Variants in NPR3 observed in about 807,000 individuals in gnomAD.
NPR3 encodes the protein atrial natriuretic peptide receptor 3.
A neutral mutation model predicts 54.5 loss-of-function variants in NPR3; 34 were observed. That is an observed-to-expected ratio of 0.62 (90% CI 0.47 to 0.83). The LOEUF (loss-of-function observed/expected upper bound fraction) is 0.83, where lower values mean the gene tolerates loss of function less well. NPR3 is among the 40% of genes least tolerant of loss of function. The probability of loss-of-function intolerance (pLI) is 0.00; values close to 1 mark genes in which losing one functional copy is unlikely to be tolerated. For missense variants in NPR3, 674 were observed against 720.8 expected (o/e 0.94, Z 0.74); for synonymous variants, 289 against 297.1 (o/e 0.97, Z 0.28).
intron 3 of NPR3, among the ~76,000 whole-genome samples, chr5:32,773,515 G>A (rs988036614): frequency 5.9e-5 from 9 of 151,984 alleles, no homozygotes; most frequent in Admixed American, 4.6e-4. Context: ...GCTCCCAGCC[G>A]AGCAAAACAT....
intron 3 of NPR3, among the ~76,000 whole-genome samples, chr5:32,742,047 G>C (rs185310744): frequency 6.6e-6 from 1 of 151,700 alleles, no homozygotes; most frequent in Admixed American, 6.6e-5. Flanking sequence ...AGTGTGGTGC[G>C]GGAGCCTGTA....
upstream of NPR3, among the ~76,000 whole-genome samples, chr5:32,709,045 C>T (rs1738076356): frequency 6.6e-6 from 1 of 151,896 alleles, no homozygotes; most frequent in Non-Finnish European, 1.5e-5. Flanking sequence ...GGAGAGGCTA[C>T]GGGCACTCAC....
intron 2 of NPR3, among the ~76,000 whole-genome samples, chr5:32,732,692 T>C (rs1009164323): frequency 2.6e-5 from 4 of 152,198 alleles, no homozygotes; most frequent in African/African-American, 9.7e-5. Context: ...TAAAGGGCCT[T>C]GTTTGAAACT....
intron 2 of NPR3, among the ~76,000 whole-genome samples, chr5:32,727,120 A>C (rs867092706): frequency 6.6e-6 from 1 of 152,144 alleles, no homozygotes; most frequent in Admixed American, 6.6e-5. Flanking sequence ...GGTTATGTGC[A>C]TTTAATGTTT....
chr5:32,783,933 T>A (rs1742472399), intron 6 of NPR3, among the ~76,000 whole-genome samples: 1 of 152,230 alleles, frequency 6.6e-6, no homozygotes, highest in African/African-American at 2.4e-5. Flanking sequence ...AAACTCTAGA[T>A]ACAAGTTAGC....
intron 1 of NPR3, among the ~76,000 whole-genome samples, chr5:32,714,694 A>T (rs1262432243): frequency 6.6e-6 from 1 of 152,192 alleles, no homozygotes; most frequent in African/African-American, 2.4e-5. Context: ...AATCGCCTCT[A>T]ATCATCCTTC....
Position 32,750,350 on chromosome 5 carries a change from T to G in NPR3, c.1059+11320T>G, listed in dbSNP as rs1306225383. On this transcript the variant is annotated intron_variant, in intron 3 of 7. Coordinates refer to ENST00000265074, the MANE Select transcript of NPR3 (RefSeq NM_001204375.2). ...AGGGTTTCACCATGTCGGTCAGGCT[T>G]GTCTCCAACTCCCGACCTCAGGTGA... Among the ~76,000 whole-genome samples the G allele has an allele frequency of 2.6e-5, 4 of 152,082 alleles. No homozygotes were observed. In the South Asian group the frequency reaches 6.2e-4, roughly 24 times the overall value.
chr5:32,743,934 T>A (rs1041430245), intron 3 of NPR3, among the ~76,000 whole-genome samples: 3 of 151,772 alleles, frequency 2.0e-5, no homozygotes, highest in African/African-American at 4.8e-5. Flanking sequence ...ATTAAAAAAA[T>A]GCATTTGTTC....
intron 1 of NPR3, among the ~76,000 whole-genome samples, chr5:32,722,484 T>C (rs1224890593): frequency 6.6e-6 from 1 of 152,190 alleles, no homozygotes; most frequent in Non-Finnish European, 1.5e-5. Flanking sequence ...CATATCTGAG[T>C]TAGGTTATTG....
chr5:32,710,373 T>G, upstream of NPR3: 1 of 204,628 alleles, frequency 4.9e-6, no homozygotes, highest in Non-Finnish European at 9.8e-6. Context: ...ACAGTCCCTT[T>G]ATTTAGGTAC....
rs569953040 is a variant in NPR3, at chr5:32,779,908, G to T, written c.1196-814G>T. ...CATTTAATCTTCTCCAAAGCCTCTT[G>T]GTAGGGAGGTACTATTATGCCCATT... On this transcript the variant is annotated intron_variant, in intron 4 of 7. Coordinates refer to ENST00000265074, the MANE Select transcript of NPR3 (RefSeq NM_001204375.2). 2.3e-3 allele frequency among the ~76,000 whole-genome samples: 346 copies of T among 152,310 alleles called. 3 individuals are homozygous for T. The highest frequency in any genetic ancestry group is 7.8e-3 in the African/African-American group (326 of 41,564).
intron 3 of NPR3, among the ~76,000 whole-genome samples, chr5:32,740,425 G>A (rs942649969): frequency 7.2e-5 from 11 of 152,230 alleles, no homozygotes; most frequent in Admixed American, 6.5e-5. Context: ...GTTATCAAAT[G>A]ACATACAAAG....
chr5:32,784,771 T>G (rs773100267), intron 6 of NPR3, 25 bp from the exon 7 acceptor site: 6 of 1,585,406 alleles, frequency 3.8e-6, no homozygotes, highest in South Asian at 1.1e-5. Context: ...AAATGAACCC[T>G]GATTATCCAT....
At chr5:32,749,108 G>A (rs2111976425) in intron 3 of NPR3, among the ~76,000 whole-genome samples, 1 of 152,116 alleles carries the variant, frequency 6.6e-6, no homozygotes, top group South Asian at 2.1e-4. Context: ...TTCATCAGTT[G>A]TAGAATACAC....
At chr5:32,703,190 A>G (rs749536262) in intron 1 of NPR3, among the ~76,000 whole-genome samples, 1 of 152,100 alleles carries the variant, frequency 6.6e-6, no homozygotes, top group Non-Finnish European at 1.5e-5. Flanking sequence ...CTTGTCATAA[A>G]TGCTGGGCCT....
chr5:32,735,663 C>T (rs1317558955), intron 2 of NPR3, among the ~76,000 whole-genome samples: 2 of 152,168 alleles, frequency 1.3e-5, no homozygotes, highest in African/African-American at 4.8e-5. Flanking sequence ...GGCTGATTCT[C>T]ATCATATCAC....
At chr5:32,741,776 T>TG (rs1740048678) in intron 3 of NPR3, among the ~76,000 whole-genome samples, 1 of 151,964 alleles carries the variant, frequency 6.6e-6, no homozygotes, top group South Asian at 2.1e-4. Flanking sequence ...TTTTTCTTTT[T>TG]TTTTTTGAGA....
At chr5:32,699,912 C>T (rs1740625693) in intron 1 of NPR3, among the ~76,000 whole-genome samples, 2 of 152,176 alleles carry the variant, frequency 1.3e-5, no homozygotes, top group African/African-American at 2.4e-5. Context: ...AGCTTTTGCA[C>T]TACTGGGAAA....
At chr5:32,764,055 C>G (rs1741314907) in intron 3 of NPR3, among the ~76,000 whole-genome samples, 1 of 152,178 alleles carries the variant, frequency 6.6e-6, no homozygotes, top group African/African-American at 2.4e-5. Flanking sequence ...CCAGTTTCCT[C>G]TAGCTTGGTG....
Sources: allele counts gnomAD v4.1 joint callset (sites outside exome capture counted in the v4.1 genomes callset), GRCh38; gene constraint gnomAD v4.1.1; transcripts MANE v1.5; gene names NCBI Gene and HGNC (gene_info 2026-07-23, HGNC 2026-07-21).